Variants in WNK2 observed in about 807,000 individuals in gnomAD.
WNK2 encodes the protein serine/threonine-protein kinase WNK2.
In WNK2, 67 loss-of-function variants were observed where a neutral mutation model predicts 192.1. That is an observed-to-expected ratio of 0.35 (90% CI 0.29 to 0.43). The LOEUF (loss-of-function observed/expected upper bound fraction) is 0.43, where lower values mean the gene tolerates loss of function less well. WNK2 is among the 20% of genes least tolerant of loss of function. The pLI is 1.00. For synonymous variants in WNK2, 1,439 were observed against 1,393.9 expected (o/e 1.03, Z -0.72); for missense variants, 2,698 against 3,089.7 (o/e 0.87, Z 3.01).
At chr9:93,268,312 C>CG in intron 18 of WNK2, among the ~76,000 whole-genome samples, 1 of 152,286 alleles carries the variant, frequency 6.6e-6, no homozygotes, top group Admixed American at 6.5e-5. Context: ...TCGGGAGCTT[C>CG]GGGGGCTGCC....
At chr9:93,264,894 C>T (rs552271183) in intron 16 of WNK2, among the ~76,000 whole-genome samples, 1 of 152,350 alleles carries the variant, frequency 6.6e-6, no homozygotes, top group Admixed American at 6.5e-5. Context: ...GCCCCACGTG[C>T]CTGCCTGCGG....
In WNK2 at chr9:93,297,996, A is replaced by C; in HGVS notation, c.5852A>C (p.Lys1951Thr). 6.4e-7 allele frequency: 1 copy of C among 1,561,014 alleles called. No homozygotes were observed. The highest frequency in any genetic ancestry group is 8.7e-7 in the Non-Finnish European group (1 of 1,153,492). ...PPTGRRRKTS[K>T]SKLKAGKLLN... The stretch of plus-strand genomic sequence containing the variant: ...ACTGGCCGCCGGAGAAAAACCAGCA[A>C]GAGCAAGCTGAAGGCAGGCAAGCTG... The change falls in exon 24 of 30, where the codon AAG becomes ACG. Residue 1951 changes from lysine (K) to threonine (T), a missense_variant. Lys to Thr is a moderately conservative substitution (Grantham distance 78). This residue lies in a region of WNK2 where 1,098 missense variants were observed against 1,101.0 expected (regional missense o/e 1.00). Coordinates refer to ENST00000427277, the MANE Select transcript of WNK2 (RefSeq NM_006648.4).
chr9:93,201,649 C>T (rs1832379036), intron 2 of WNK2, among the ~76,000 whole-genome samples: 1 of 152,214 alleles, frequency 6.6e-6, no homozygotes. Flanking sequence ...CCCTTCCCTG[C>T]CCAGGGCTAC....
chr9:93,249,945 C>T (rs1178162095), intron 8 of WNK2, among the ~76,000 whole-genome samples: 5 of 109,506 alleles, frequency 4.6e-5, no homozygotes, highest in East Asian at 2.9e-4. Flanking sequence ...AAGACAGTCT[C>T]GCTCTGTCTC....
chr9:93,288,842 C>A lies in WNK2; in HGVS notation c.4088C>A (p.Ala1363Asp). Reference protein sequence around the residue: ...LSSKEQPSFLASQQLLSQAGP... With the variant: ...LSSKEQPSFLDSQQLLSQAGP... ...TCGAAGGAACAACCCAGCTTTCTAG[C>A]CAGTCAGCAGCTCCTGAGCCAGGCG... is the stretch of plus-strand genomic sequence containing the variant. The change falls in exon 20 of 30, where the codon GCC becomes GAC. Residue 1363 changes from alanine (A) to aspartate (D), a missense_variant. Physicochemically the swap from Ala to Asp is moderately radical, Grantham distance 126. Around this residue, in one of 7 missense-constraint regions of WNK2, gnomAD observed 1,098 missense variants for 1,101.0 expected, o/e 1.00. Transcript: ENST00000427277. 1.2e-6 allele frequency: 2 copies of A among 1,612,426 alleles called. No individual in the cohort carries two copies. Among genetic ancestry groups the A allele is most frequent in the South Asian group, 2.2e-5 (2 of 90,972 alleles).
At chr9:93,269,785 A>G (rs1210121068) in intron 19 of WNK2, among the ~76,000 whole-genome samples, 1 of 152,196 alleles carries the variant, frequency 6.6e-6, no homozygotes, top group African/African-American at 2.4e-5. Flanking sequence ...TCTTTCCTTC[A>G]TCTATGCACT....
intron 5 of WNK2, 32 bp downstream of exon 5, chr9:93,234,997 A>G (rs746297769): frequency 2.5e-6 from 4 of 1,612,764 alleles, no homozygotes; most frequent in Non-Finnish European, 3.4e-6. Flanking sequence ...GTTAATTAAT[A>G]AGGACACAGA....
chr9:93,308,446 C>G lies in WNK2; in HGVS notation c.6378C>G (p.His2126Gln). The part of the protein sequence containing the change: ...NKKGTFTDDL[H>Q]KLVDEWTSKT... ...AGGGTACCTTCACGGACGACCTGCA[C>G]AAGCTGGTGGACGAGTGGACGAGCA... is the stretch of plus-strand genomic sequence containing the variant. Residue 2126 changes from histidine to glutamine, a missense_variant, in exon 28 of 30, where the codon CAC becomes CAG. His to Gln is a conservative substitution (Grantham distance 24, BLOSUM62 0). Around this residue, in one of 7 missense-constraint regions of WNK2, gnomAD observed 167 missense variants for 184.2 expected, o/e 0.91. Transcript: ENST00000427277. The G allele has an allele frequency of 1.2e-6, 2 of 1,610,266 alleles. No individual in the cohort carries two copies. Among genetic ancestry groups the G allele is most frequent in the Non-Finnish European group, 8.5e-7 (1 of 1,178,692 alleles).
chr9:93,224,730 A>G (rs1174288383), intron 2 of WNK2, among the ~76,000 whole-genome samples: 1 of 152,178 alleles, frequency 6.6e-6, no homozygotes, highest in African/African-American at 2.4e-5. Flanking sequence ...GGGACTTGGT[A>G]GGAGGAAGAT....
In WNK2 at chr9:93,259,440, T is replaced by G. The variant is rs111531284; in HGVS notation, c.2892T>G (p.Pro964=). The change falls in exon 12 of 30, where the codon CCT becomes CCG. Residue 964 remains proline, a synonymous_variant. Coordinates refer to ENST00000427277, the MANE Select transcript of WNK2 (RefSeq NM_006648.4). The surrounding 1 kb of genome is among the most constrained non-coding windows in gnomAD (Gnocchi z 4.8). Reference sequence around the variant, plus strand: ...TGCCCCCGCAACCCACGCTGCCCCCTCAACCTGTGTTGCCCCCGCAACCCA... The same window carrying G: ...TGCCCCCGCAACCCACGCTGCCCCCGCAACCTGTGTTGCCCCCGCAACCCA... The part of the protein sequence containing the change: ...PVLPPQPTLP[P]QPVLPPQPTR... 190 of 847,674 alleles carry G rather than the reference T, an allele frequency of 2.2e-4. No homozygotes were observed. In the African/African-American group the frequency reaches 6.0e-3, roughly 27 times the overall value. The allele number at this position is 847,674 out of a possible 1,614,324, so 52.5% of individuals were successfully genotyped here.
chr9:93,253,729 G>T (rs1395410978), intron 9 of WNK2, among the ~76,000 whole-genome samples: 1 of 152,172 alleles, frequency 6.6e-6, no homozygotes, highest in Non-Finnish European at 1.5e-5. Context: ...GACGACACGT[G>T]TGGGTTGATT....
rs143023334 is a variant in WNK2, at chr9:93,296,449, C to T, written c.5709-1404C>T. Reference sequence around the variant, plus strand: ...CCCCTCACCTTCCTCCTTCTCCATCCTCCCCTTACCTTCCTCCTTCTTCAT... The same window carrying T: ...CCCCTCACCTTCCTCCTTCTCCATCTTCCCCTTACCTTCCTCCTTCTTCAT... On this transcript the variant is annotated intron_variant, in intron 23 of 29. Transcript: ENST00000427277. 4.4e-3 allele frequency among the ~76,000 whole-genome samples: 154 copies of T among 35,012 alleles called. 1 individual carries two copies. The highest frequency in any genetic ancestry group is 0.012 in the Middle Eastern group (1 of 84). The allele number at this position is 35,012 out of a possible 152,430, so 23.0% of individuals were successfully genotyped here. A position where few individuals can be genotyped will look rare whatever the true frequency, so the allele number is the denominator to read the frequency against.
chr9:93,232,964 CAAAAAAAAAAA>C (rs71511650), intron 4 of WNK2, among the ~76,000 whole-genome samples: 1 of 81,976 alleles, frequency 1.2e-5, no homozygotes, highest in Non-Finnish European at 2.2e-5. Context: ...CCTGTCTCTA[CAAAAAAAAAAA>C]AAAAAAAAAA....
At chr9:93,234,059 G>A (rs777021395) in intron 4 of WNK2, among the ~76,000 whole-genome samples, 25 of 152,196 alleles carry the variant, frequency 1.6e-4, no homozygotes, top group Admixed American at 2.6e-4. Flanking sequence ...TGCCCTGGGG[G>A]TTTGGTTTTG....
chr9:93,274,784 C>CT (rs1038906632), intron 19 of WNK2, among the ~76,000 whole-genome samples: 12 of 152,070 alleles, frequency 7.9e-5, no homozygotes, highest in African/African-American at 2.9e-4. Flanking sequence ...TGTTAAAAAT[C>CT]TCCCCAAAAA....
intron 28 of WNK2, chr9:93,316,354 G>A (rs1854661685): frequency 6.6e-6 from 1 of 152,170 alleles, no homozygotes; most frequent in African/African-American, 2.4e-5. Context: ...AGTGGATTCA[G>A]TCTGTTGATT....
At chr9:93,292,248 G>T in intron 21 of WNK2, 60 bp from the exon 22 acceptor site, 1 of 1,586,612 alleles carries the variant, frequency 6.3e-7, no homozygotes, top group South Asian at 1.1e-5. Context: ...GGTCAGCTGT[G>T]AGCCATCTCT....
At chr9:93,250,708 G>A (rs949978590) in intron 8 of WNK2, among the ~76,000 whole-genome samples, 3 of 151,702 alleles carry the variant, frequency 2.0e-5, no homozygotes, top group African/African-American at 7.3e-5. Context: ...GCTGGTGACT[G>A]TAGTAGCACA....
At position 93,292,811 on chromosome 9, in the gene WNK2, C is replaced by A; in HGVS notation, c.5346C>A (p.Pro1782=). The A allele has an allele frequency of 6.5e-7, 1 of 1,535,052 alleles. No individual in the cohort carries two copies. Among genetic ancestry groups the A allele is most frequent in the East Asian group, 2.4e-5 (1 of 41,258 alleles). Residue 1782 remains proline, a synonymous_variant, in exon 23 of 30, where the codon CCC becomes CCA. Transcript: ENST00000427277. ...ACCTGGACGAGGCCCCCTCCAGCCC[C>A]GACGTGAAGCTGGCAGTGCGGCGGG... ...DVYLDEAPSS[P]DVKLAVRRAQ... is the part of the protein sequence containing the mutation.
Sources: allele counts gnomAD v4.1 joint callset (sites outside exome capture counted in the v4.1 genomes callset), GRCh38; gene constraint gnomAD v4.1.1; regional missense constraint gnomAD v4.1.1; non-coding constraint Gnocchi (gnomAD v3.1); transcripts MANE v1.5; gene names NCBI Gene and HGNC (gene_info 2026-07-23, HGNC 2026-07-21).